Variants in STS observed in about 807,000 individuals in gnomAD.
STS encodes steryl-sulfatase.
STS carries 7 observed loss-of-function variants against 26.8 expected under a neutral mutation model. The observed-to-expected ratio is 0.26, with a 90% CI of 0.15 to 0.49. The LOEUF (loss-of-function observed/expected upper bound fraction) is 0.49, where lower values mean the gene tolerates loss of function less well. Ranked by LOEUF, STS falls within the 20% of genes least tolerant of loss-of-function variation. The pLI, the probability that STS is intolerant of heterozygous loss-of-function variation, is 0.98. For missense variants in STS, 434 were observed against 465.6 expected (o/e 0.93, Z 0.63); for synonymous variants, 199 against 189.4 (o/e 1.05, Z -0.42).
At chrX:7,329,391 T>G (rs1170536414) in intron 9 of STS, among the ~76,000 whole-genome samples, 5 of 112,082 alleles carry the variant, frequency 4.5e-5, no homozygotes, top group Admixed American at 9.4e-5. Context: ...CGAGAAATCC[T>G]ACCCTGAAAT....
At chrX:7,337,438 G>T (rs1928087395) in intron 10 of STS, among the ~76,000 whole-genome samples, 1 of 111,919 alleles carries the variant, frequency 8.9e-6, no homozygotes, top group Admixed American at 9.5e-5. Context: ...GTCACCTGGG[G>T]AAGACAGATC....
rs1474670058 is a variant in STS, at chrX:7,207,633, T to C, written c.-5+16625T>C. 3.6e-5 allele frequency among the ~76,000 whole-genome samples: 4 copies of C among 112,226 alleles called. No homozygotes were observed. The East Asian group carries it at 8.3e-4, about 23-fold the overall frequency. ...TTCACCATATAGTACAATGTAATGA[T>C]AGGGAAATTCAGAGTTCAAAGTATT... On this transcript the variant is annotated intron_variant, in intron 2 of 10. Transcript: ENST00000674429.
intron 2 of STS, among the ~76,000 whole-genome samples, chrX:7,233,091 CTTT>C (rs3077766): frequency 2.9e-5 from 2 of 69,869 alleles, no homozygotes; most frequent in African/African-American, 5.2e-5. Flanking sequence ...TTCTTTTTTT[CTTT>C]TTTTTTTTTT....
intron 8 of STS, among the ~76,000 whole-genome samples, chrX:7,311,742 G>C (rs1181926593): frequency 8.9e-6 from 1 of 112,017 alleles, no homozygotes; most frequent in African/African-American, 3.2e-5. Flanking sequence ...CCAAGCTACT[G>C]AGGAGGCTAG....
At chrX:7,344,734 G>C (rs936875010) in intron 10 of STS, among the ~76,000 whole-genome samples, 2 of 111,777 alleles carry the variant, frequency 1.8e-5, no homozygotes, top group Non-Finnish European at 3.8e-5. Flanking sequence ...TCCAGGTTGG[G>C]GGCACCTTGC....
intron 10 of STS, among the ~76,000 whole-genome samples, chrX:7,343,759 C>G (rs971713475): frequency 8.9e-6 from 1 of 112,006 alleles, no homozygotes. Flanking sequence ...ACCGCCAGCA[C>G]CCCCCGCCCC....
intron 2 of STS, among the ~76,000 whole-genome samples, chrX:7,250,919 G>A (rs1923108831): frequency 1.8e-5 from 2 of 112,431 alleles, no homozygotes; most frequent in Admixed American, 1.9e-4. Flanking sequence ...ACTGGACAGT[G>A]GACACTCAGA....
chrX:7,324,693 C>G (rs771372064), intron 8 of STS, among the ~76,000 whole-genome samples: 2 of 111,359 alleles, frequency 1.8e-5, no homozygotes, highest in East Asian at 5.7e-4. Context: ...TGAGGCATGT[C>G]CAATCCCCTG....
At chrX:7,332,055 C>T (rs1927775464) in intron 9 of STS, among the ~76,000 whole-genome samples, 1 of 110,452 alleles carries the variant, frequency 9.1e-6, no homozygotes, top group Admixed American at 9.6e-5. Context: ...TAGTTAAATC[C>T]CCCTTTCCTA....
intron 1 of STS, among the ~76,000 whole-genome samples, chrX:7,187,490 C>A (rs1256133487): frequency 1.8e-5 from 2 of 112,166 alleles, no homozygotes; most frequent in Non-Finnish European, 3.8e-5. Context: ...AACAACTAAC[C>A]TTTCCACTTT....
chrX:7,201,031 A>G (rs959156753), intron 2 of STS, among the ~76,000 whole-genome samples: 7 of 111,177 alleles, frequency 6.3e-5, no homozygotes, highest in Non-Finnish European at 1.1e-4. Context: ...TGGATGATAG[A>G]TAGGCAGGCA....
intron 8 of STS, among the ~76,000 whole-genome samples, chrX:7,323,618 C>A (rs1448680000): frequency 9.0e-6 from 1 of 111,718 alleles, no homozygotes; most frequent in African/African-American, 3.3e-5. Context: ...TTTATCCAAT[C>A]CCTGTCGATG....
At chrX:7,152,501 T>C (rs1933040241) in intron 1 of STS, among the ~76,000 whole-genome samples, 1 of 111,245 alleles carries the variant, frequency 9.0e-6, no homozygotes, top group East Asian at 2.9e-4. Context: ...TATTTTTTAG[T>C]GGAGACGGGG....
At chrX:7,297,175 C>T (rs1341406207) in intron 7 of STS, among the ~76,000 whole-genome samples, 3 of 111,034 alleles carry the variant, frequency 2.7e-5, no homozygotes, top group Admixed American at 1.9e-4. Context: ...TATATGTCAA[C>T]ATTGATTAAG....
chrX:7,266,791 A>G (rs907375435), intron 6 of STS, among the ~76,000 whole-genome samples: 2 of 112,211 alleles, frequency 1.8e-5, no homozygotes, highest in Admixed American at 9.5e-5. Flanking sequence ...TTGCAATGCA[A>G]AACAGATCCA....
chrX:7,277,762 G>A (rs1319495444), intron 7 of STS, among the ~76,000 whole-genome samples: 2 of 112,161 alleles, frequency 1.8e-5, no homozygotes, highest in Non-Finnish European at 3.8e-5. Context: ...AATGCATTAC[G>A]CTTAGGGCTC....
At chrX:7,152,939 G>A (rs766982267) in intron 1 of STS, among the ~76,000 whole-genome samples, 6 of 112,077 alleles carry the variant, frequency 5.4e-5, no homozygotes, top group South Asian at 3.8e-4. Flanking sequence ...ATCATGTTTC[G>A]TAATATCCGT....
At chrX:7,318,141 G>A (rs1926801322) in intron 8 of STS, among the ~76,000 whole-genome samples, 1 of 111,488 alleles carries the variant, frequency 9.0e-6, no homozygotes, top group East Asian at 2.8e-4. Context: ...AATGGTTTGG[G>A]GAACATGTGA....
chrX:7,274,046 T>A (rs751780054), intron 6 of STS, among the ~76,000 whole-genome samples: 6 of 111,079 alleles, frequency 5.4e-5, no homozygotes, highest in Non-Finnish European at 3.8e-5. Context: ...TGAGAGGTGA[T>A]GATGTGCAGA....
Sources: allele counts gnomAD v4.1 joint callset (sites outside exome capture counted in the v4.1 genomes callset), GRCh38; gene constraint gnomAD v4.1.1; transcripts MANE v1.5; gene names NCBI Gene and HGNC (gene_info 2026-07-23, HGNC 2026-07-21).